Variants in MPPE1 observed in about 807,000 individuals in gnomAD.
MPPE1 encodes metallo phosphoesterase.
In MPPE1, 28 loss-of-function variants were observed where a neutral mutation model predicts 43.8. That is an observed-to-expected ratio of 0.64 (90% CI 0.47 to 0.88). The LOEUF (loss-of-function observed/expected upper bound fraction) is 0.88. Among genes scored for constraint, MPPE1 ranks in the 40% least tolerant of loss-of-function variants. The pLI, the probability that MPPE1 is intolerant of heterozygous loss-of-function variation, is 0.00. For missense variants in MPPE1, 428 were observed against 492.2 expected (o/e 0.87, Z 1.23); for synonymous variants, 159 against 188.5 (o/e 0.84, Z 1.28).
At position 11,889,369 on chromosome 18, in the gene MPPE1, C is replaced by G. The variant is rs1567936645; in HGVS notation, c.494+18G>C. On this transcript the variant is annotated intron_variant, in intron 5 of 10. Coordinates refer to ENST00000588072, the MANE Select transcript of MPPE1 (RefSeq NM_023075.6). ...TAACAAGAGCTCTCAGGGTGCAGGGCTTTTGTGAACTACTTACTCATAATG... is the reference window on the plus strand; with the variant it reads ...TAACAAGAGCTCTCAGGGTGCAGGGGTTTTGTGAACTACTTACTCATAATG... The G allele has an allele frequency of 1.3e-6, 2 of 1,519,988 alleles. No individual in the cohort carries two copies. The highest frequency in any genetic ancestry group is 2.3e-5 in the East Asian group (1 of 43,856). The allele number at this position is 1,519,988 out of a possible 1,614,324, so 94.2% of individuals were successfully genotyped here.
chr18:11,891,778 T>G (rs940637448), intron 4 of MPPE1, among the ~76,000 whole-genome samples: 6 of 152,126 alleles, frequency 3.9e-5, no homozygotes, highest in South Asian at 2.1e-4. Context: ...GGGTTTTTTT[T>G]GTTTTGTTTT....
chr18:11,888,499 G>C (rs891743946), intron 6 of MPPE1, among the ~76,000 whole-genome samples, 170 bp downstream of exon 6: 1 of 152,074 alleles, frequency 6.6e-6, no homozygotes, highest in Admixed American at 6.6e-5. Context: ...CCATCTATCG[G>C]CTCCCATGGT....
intron 4 of MPPE1, among the ~76,000 whole-genome samples, chr18:11,892,629 C>T (rs981304070): frequency 1.3e-5 from 2 of 150,312 alleles, no homozygotes; most frequent in Non-Finnish European, 3.0e-5. Context: ...GCTGAGATTG[C>T]GCCATTGCAC....
chr18:11,883,843 A>C lies in MPPE1; in HGVS notation c.*602T>G, dbSNP rs1377202526. 1 of 152,200 alleles carries C rather than the reference A, an allele frequency of 6.6e-6. No homozygotes were observed. The highest frequency in any genetic ancestry group is 1.9e-4 in the East Asian group (1 of 5,182). The allele number at this position is 152,200 out of a possible 1,614,324, so 9.4% of individuals were successfully genotyped here. On this transcript the variant is annotated 3_prime_UTR_variant, in exon 11 of 11. Coordinates refer to ENST00000588072, the MANE Select transcript of MPPE1 (RefSeq NM_023075.6). ...TCAGCTGGTATTATAGGCACTTGCT[A>C]CCATGCTTGGCTAATTTTTGTATTT...
intron 3 of MPPE1, among the ~76,000 whole-genome samples, chr18:11,896,095 C>CTTTTTTTTTTTTTTTTT (rs1178920790): frequency 1.2e-5 from 1 of 80,420 alleles, no homozygotes; most frequent in Non-Finnish European, 2.4e-5. Context: ...ATTCTTTATT[C>CTTTTTTTTTTTTTTTTT]TTTTTTTTTT....
At position 11,884,375 on chromosome 18, in the gene MPPE1, T is replaced by C. The variant is rs1474723863; in HGVS notation, c.*70A>G. The C allele has an allele frequency of 6.7e-7, 1 of 1,495,690 alleles. No individual in the cohort carries two copies. The highest frequency in any genetic ancestry group is 1.4e-5 in the African/African-American group (1 of 72,086). The allele number at this position is 1,495,690 out of a possible 1,614,324, so 92.7% of individuals were successfully genotyped here. On this transcript the variant is annotated 3_prime_UTR_variant, in exon 11 of 11. Coordinates refer to ENST00000588072, the MANE Select transcript of MPPE1 (RefSeq NM_023075.6). ...GCCTGTAATTGGTCTCATCATCCAC[T>C]TGATTCTAACATGATCTCTGCCCAA... is the stretch of plus-strand genomic sequence containing the variant.
rs540220640 is a variant in MPPE1, at chr18:11,887,033, G to A, written c.570-8C>T. 27 of 1,603,446 alleles carry A rather than the reference G, an allele frequency of 1.7e-5. No individual in the cohort carries two copies. The highest frequency in any genetic ancestry group is 5.3e-5 in the African/African-American group (4 of 74,790). ...CTGTTGACCATCACAAAGCTGAAGC[G>A]GAGGGAAACGCAGGTGAGGCCGCTG... is the stretch of plus-strand genomic sequence containing the variant. On this transcript the variant is annotated splice_polypyrimidine_tract_variant and splice_region_variant and intron_variant, in intron 6 of 10. Coordinates refer to ENST00000588072, the MANE Select transcript of MPPE1 (RefSeq NM_023075.6).
chr18:11,886,706 A>G lies in MPPE1; in HGVS notation c.744+7T>C. ...TCTGCCATGAGCCCTTTCCTCCCCCAGCTCACCTGCAGGAGGACAGGGGCA... is the reference window on the plus strand; with the variant it reads ...TCTGCCATGAGCCCTTTCCTCCCCCGGCTCACCTGCAGGAGGACAGGGGCA... On this transcript the variant is annotated splice_region_variant and intron_variant, in intron 8 of 10. Coordinates refer to ENST00000588072, the MANE Select transcript of MPPE1 (RefSeq NM_023075.6). The surrounding 1 kb of genome is among the most constrained non-coding windows in gnomAD (Gnocchi z 4.1). The G allele has an allele frequency of 6.2e-7, 1 of 1,613,744 alleles. No individual in the cohort carries two copies. Among genetic ancestry groups the G allele is most frequent in the Non-Finnish European group, 8.5e-7 (1 of 1,180,018 alleles).
rs1401950913 is a variant in MPPE1 at position 11,883,442 on chromosome 18, C to CTGT, written c.*1000_*1002dup. On this transcript the variant is annotated 3_prime_UTR_variant, in exon 11 of 11. Transcript: ENST00000588072. ...GAGTTTAATTCAAACAACAGCCAGA[C>CTGT]TGTTAAGAAAAAAAACAAAAAGAAT... The CTGT allele has an allele frequency of 1.3e-5, 2 of 150,582 alleles. No homozygotes were observed. The highest frequency in any genetic ancestry group is 2.6e-5 in the African/African-American group (1 of 38,970). The allele number at this position is 150,582 out of a possible 1,614,324, so 9.3% of individuals were successfully genotyped here.
At chr18:11,893,396 T>G in intron 4 of MPPE1, 72 bp downstream of exon 4, 1 of 1,056,048 alleles carries the variant, frequency 9.5e-7, no homozygotes, top group Non-Finnish European at 1.5e-6. Context: ...CTGACACTGA[T>G]TCGTGGATTC....
At chr18:11,893,636 G>A in intron 3 of MPPE1, 60 bp from the exon 4 acceptor site, 1 of 1,349,734 alleles carries the variant, frequency 7.4e-7, no homozygotes, top group Middle Eastern at 1.8e-4. Context: ...GGCTACTTCT[G>A]TATTATGCAC....
intron 3 of MPPE1, among the ~76,000 whole-genome samples, chr18:11,896,591 G>A (rs1053535890): frequency 2.6e-5 from 4 of 152,138 alleles, no homozygotes; most frequent in African/African-American, 9.7e-5. Context: ...AGGTGAGATG[G>A]GACCACCAAC....
chr18:11,890,789 G>GT (rs1358871289), intron 4 of MPPE1, among the ~76,000 whole-genome samples: 1 of 152,202 alleles, frequency 6.6e-6, no homozygotes, highest in Non-Finnish European at 1.5e-5. Context: ...AAAATGTCCA[G>GT]TAAGTTCTTC....
intron 5 of MPPE1, among the ~76,000 whole-genome samples, chr18:11,889,083 G>T (rs2037668303): frequency 1.3e-5 from 2 of 152,166 alleles, no homozygotes; most frequent in Non-Finnish European, 2.9e-5. Context: ...ATAAATGTTA[G>T]CTATTAAAGT....
At chr18:11,903,960 T>C (rs1201399121) in intron 2 of MPPE1, among the ~76,000 whole-genome samples, 1 of 152,234 alleles carries the variant, frequency 6.6e-6, no homozygotes, top group Non-Finnish European at 1.5e-5. Flanking sequence ...TCAGTCTCTT[T>C]TTCTGCCTTA....
intron 5 of MPPE1, among the ~76,000 whole-genome samples, chr18:11,889,101 A>G (rs1344098788): frequency 6.6e-6 from 1 of 152,212 alleles, no homozygotes; most frequent in East Asian, 1.9e-4. Context: ...AGTCTAAATG[A>G]TCTTGGTTTT....
In MPPE1 at chr18:11,884,586, G is replaced by A. The variant is rs2036892294; in HGVS notation, c.1050C>T (p.Tyr350=). ...TPTDYTLSKC[Y]LPREDVVLII... ...TCAAAACCACATCCTCACGTGGGAG[G>A]TAGCACTTGGAGAGGGTGTAGTCTG... The change falls in exon 11 of 11, where the codon TAC becomes TAT. Residue 350 remains tyrosine (Y), a synonymous_variant. Coordinates refer to ENST00000588072, the MANE Select transcript of MPPE1 (RefSeq NM_023075.6). 1 of 1,613,826 alleles carries A rather than the reference G, an allele frequency of 6.2e-7. No individual in the cohort carries two copies. The highest frequency in any genetic ancestry group is 8.5e-7 in the Non-Finnish European group (1 of 1,180,046).
chr18:11,886,612 G>C lies in MPPE1; in HGVS notation c.754C>G (p.Leu252Val). The C allele has an allele frequency of 6.2e-7, 1 of 1,614,172 alleles. No homozygotes were observed. Among genetic ancestry groups the C allele is most frequent in the Non-Finnish European group, 8.5e-7 (1 of 1,180,030 alleles). Residue 252 changes from leucine to valine, a missense_variant, in exon 9 of 11, where the codon CTG becomes GTG. By Grantham distance (32) the Leu-to-Val change is conservative. Coordinates refer to ENST00000588072, the MANE Select transcript of MPPE1 (RefSeq NM_023075.6). The surrounding 1 kb of genome is among the most constrained non-coding windows in gnomAD (Gnocchi z 4.1). ...SAPVLLQHYP[L>V]YRRSDANCSG... ...CAGTTAGCATCACTTCTCCGATACAGAGGATAATGCTGTCCGGGGTGGAGA... is the reference window on the plus strand; with the variant it reads ...CAGTTAGCATCACTTCTCCGATACACAGGATAATGCTGTCCGGGGTGGAGA...
At position 11,888,731 on chromosome 18, in the gene MPPE1, G is replaced by C. The variant is rs1252024703; in HGVS notation, c.507C>G (p.Tyr169Ter). 6.3e-7 allele frequency: 1 copy of C among 1,595,368 alleles called. No individual in the cohort carries two copies. Among genetic ancestry groups the C allele is most frequent in the African/African-American group, 1.4e-5 (1 of 73,856 alleles). The change falls in exon 6 of 11, where the codon TAC becomes TAG. Residue 169 changes from tyrosine to a stop codon, truncating the protein, a stop_gained. Transcript: ENST00000588072. LOFTEE classifies it high-confidence loss of function. ...DIGFHYEMNT[Y>*]KVERFEKVFS... ...ACACTTTCTCAAAGCGTTCTACTTT[G>C]TATGTGTTCATCCTATATTCAATTG...
Sources: allele counts gnomAD v4.1 joint callset (sites outside exome capture counted in the v4.1 genomes callset), GRCh38; gene constraint gnomAD v4.1.1; non-coding constraint Gnocchi (gnomAD v3.1); transcripts MANE v1.5; gene names NCBI Gene and HGNC (gene_info 2026-07-23, HGNC 2026-07-21).